The following SLIT3 variants were observed in gnomAD, a reference collection of about 807,000 sequenced individuals.
The protein encoded by SLIT3 is slit guidance ligand 3.
SLIT3 carries 68 observed loss-of-function variants against 184.0 expected under a neutral mutation model. The ratio of observed to expected loss-of-function variants is 0.37; its 90% CI spans 0.30 to 0.45. The LOEUF (loss-of-function observed/expected upper bound fraction) is 0.45. SLIT3 is among the 20% of genes least tolerant of loss of function. The pLI is 1.00. For missense variants in SLIT3, 1,707 were observed against 2,026.0 expected (o/e 0.84, Z 3.02); for synonymous variants, 831 against 828.6 (o/e 1.00, Z -0.05).
chr5:169,271,327 G>A (rs1035247008), intron 1 of SLIT3, among the ~76,000 whole-genome samples: 5 of 152,062 alleles, frequency 3.3e-5, no homozygotes, highest in African/African-American at 1.2e-4. Context: ...CCCAGCTCAC[G>A]GCCCCTTCTC....
chr5:169,276,722 A>G (rs572325037), intron 1 of SLIT3, among the ~76,000 whole-genome samples: 1 of 152,248 alleles, frequency 6.6e-6, no homozygotes, highest in African/African-American at 2.4e-5. Flanking sequence ...AACTACAAAT[A>G]GAATGATTAT....
rs971254461 is a variant in SLIT3 at position 168,711,141 on chromosome 5, T to G, written c.2556-83A>C. Reference sequence around the variant, plus strand: ...ATCCTTGGCTCTCTGGAAATGCATTTTCAGACTTTGGCTAGACTGGAGGTA... The same window carrying G: ...ATCCTTGGCTCTCTGGAAATGCATTGTCAGACTTTGGCTAGACTGGAGGTA... On this transcript the variant is annotated intron_variant, in intron 24 of 35. Coordinates refer to ENST00000519560, the MANE Select transcript of SLIT3 (RefSeq NM_003062.4). 2.3e-6 allele frequency: 3 copies of G among 1,320,302 alleles called. No individual in the cohort carries two copies. The African/African-American group carries it at 4.5e-5, about 20-fold the overall frequency. The allele number at this position is 1,320,302 out of a possible 1,614,324, so 81.8% of individuals were successfully genotyped here. A position where few individuals can be genotyped will look rare whatever the true frequency, so the allele number is the denominator to read the frequency against.
intron 4 of SLIT3, among the ~76,000 whole-genome samples, chr5:169,027,148 G>A (rs1040675535): frequency 6.6e-6 from 1 of 152,100 alleles, no homozygotes; most frequent in Admixed American, 6.5e-5. Flanking sequence ...TGTGCCCTGG[G>A]GTTCAGTTTT....
At chr5:168,895,648 T>A (rs1264201927) in intron 4 of SLIT3, among the ~76,000 whole-genome samples, 1 of 152,208 alleles carries the variant, frequency 6.6e-6, no homozygotes, top group African/African-American at 2.4e-5. Flanking sequence ...GTTAATACTA[T>A]AGAATGACGT....
At position 168,932,385 on chromosome 5, in the gene SLIT3, CACACACT is replaced by C. The variant is rs1310873073; in HGVS notation, c.414-49056_414-49050del. Among the ~76,000 whole-genome samples, 7 of 148,970 alleles carry C rather than the reference CACACACT, an allele frequency of 4.7e-5. No homozygotes were observed. The East Asian group carries it at 1.2e-3, about 25-fold the overall frequency. On this transcript the variant is annotated intron_variant, in intron 4 of 35. Coordinates refer to ENST00000519560, the MANE Select transcript of SLIT3 (RefSeq NM_003062.4). Reference sequence around the variant, plus strand: ...ACACACACACACACACACACACACACACACACTACACACACCCTACACACACACAGAG... The same window carrying C: ...ACACACACACACACACACACACACACACACACACCCTACACACACACAGAG...
intron 3 of SLIT3, among the ~76,000 whole-genome samples, chr5:169,196,768 A>T (rs1045117224): frequency 6.6e-6 from 1 of 152,002 alleles, no homozygotes; most frequent in African/African-American, 2.4e-5. Flanking sequence ...TCCCTTTCTT[A>T]ATTTTTCTGT....
chr5:168,986,429 C>T (rs1755133842), intron 4 of SLIT3, among the ~76,000 whole-genome samples: 1 of 152,072 alleles, frequency 6.6e-6, no homozygotes, highest in Admixed American at 6.5e-5. Flanking sequence ...CCTTTGGGTA[C>T]CATGATGCTT....
At chr5:169,299,807 T>C (rs1767625964) in intron 1 of SLIT3, among the ~76,000 whole-genome samples, 1 of 152,206 alleles carries the variant, frequency 6.6e-6, no homozygotes, top group African/African-American at 2.4e-5. Context: ...GTTTGTAAGA[T>C]TATAACGCTC....
intron 8 of SLIT3, among the ~76,000 whole-genome samples, chr5:168,809,595 C>T (rs1757099295): frequency 6.6e-6 from 1 of 152,184 alleles, no homozygotes; most frequent in African/African-American, 2.4e-5. Flanking sequence ...GGCAGAAGTC[C>T]CTCCACTTTG....
rs78025952 is a variant in SLIT3, at chr5:168,959,001, G to A, written c.414-75665C>T. 0.013 allele frequency among the ~76,000 whole-genome samples: 2,001 copies of A among 152,322 alleles called. 64 individuals are homozygous for A. The East Asian group carries it at 0.14, about 10-fold the overall frequency. On this transcript the variant is annotated intron_variant, in intron 4 of 35. Coordinates refer to ENST00000519560, the MANE Select transcript of SLIT3 (RefSeq NM_003062.4). ...CTATGCATGGCAGGCATTGCTAATCGATGACAGCTCTTTCCTTCAGGAGCT... is the reference window on the plus strand; with the variant it reads ...CTATGCATGGCAGGCATTGCTAATCAATGACAGCTCTTTCCTTCAGGAGCT...
chr5:168,842,489 T>TTTTTA (rs1293475229), intron 6 of SLIT3, among the ~76,000 whole-genome samples: 4 of 147,232 alleles, frequency 2.7e-5, no homozygotes, highest in African/African-American at 1.0e-4. Context: ...TTTTTTTTTG[T>TTTTTA]ATCTGAGTAG....
At chr5:169,159,763 A>G (rs144455587) in intron 4 of SLIT3, among the ~76,000 whole-genome samples, 2,165 of 152,298 alleles carry the variant, frequency 0.014, 27 homozygotes, top group Non-Finnish European at 0.021. Flanking sequence ...GTGACAGAGC[A>G]AGACTCCGTC....
chr5:169,026,755 C>G lies in SLIT3; in HGVS notation c.414-143419G>C, dbSNP rs111249100. ...TTTTATATAATTTTAGCGCCTAAAA[C>G]AATATTTTATGCAGTGAGCTTCTAT... On this transcript the variant is annotated intron_variant, in intron 4 of 35. Coordinates refer to ENST00000519560, the MANE Select transcript of SLIT3 (RefSeq NM_003062.4). 4 of 151,626 alleles carry G rather than the reference C, an allele frequency of 2.6e-5. No individual in the cohort carries two copies. In the East Asian group the frequency reaches 7.8e-4, roughly 29 times the overall value. 9.4% of individuals were successfully genotyped at this position (151,626 alleles called of 1,614,324 possible).
At chr5:168,709,384 C>A (rs1762477400) in intron 25 of SLIT3, among the ~76,000 whole-genome samples, 1 of 152,184 alleles carries the variant, frequency 6.6e-6, no homozygotes, top group Non-Finnish European at 1.5e-5. Context: ...GCATGAGCCA[C>A]CGTGCCCGGA....
chr5:169,187,928 G>A (rs761966854), intron 4 of SLIT3, among the ~76,000 whole-genome samples: 3 of 151,500 alleles, frequency 2.0e-5, no homozygotes, highest in South Asian at 2.1e-4. Context: ...CCGCCCTGCC[G>A]CAAGCTCTCA....
At chr5:168,758,731 C>T (rs1755037242) in intron 16 of SLIT3, among the ~76,000 whole-genome samples, 1 of 152,178 alleles carries the variant, frequency 6.6e-6, no homozygotes, top group African/African-American at 2.4e-5. Flanking sequence ...CCAGTGAGAT[C>T]CAGATGCTGC....
chr5:168,738,895 G>A (rs893404697), intron 20 of SLIT3, among the ~76,000 whole-genome samples: 7 of 131,126 alleles, frequency 5.3e-5, no homozygotes, highest in East Asian at 5.2e-4. Flanking sequence ...CCGAGATGGC[G>A]CCACTGCAGT....
chr5:168,813,969 T>C (rs1406926070), intron 8 of SLIT3, among the ~76,000 whole-genome samples: 1 of 152,232 alleles, frequency 6.6e-6, no homozygotes, highest in Non-Finnish European at 1.5e-5. Context: ...CCCCAATGCC[T>C]CTTTTCCTCC....
chr5:168,974,334 T>G (rs75396155), intron 4 of SLIT3, among the ~76,000 whole-genome samples: 1 of 152,346 alleles, frequency 6.6e-6, no homozygotes, highest in Non-Finnish European at 1.5e-5. Context: ...CATTCTTTGT[T>G]GACCCCATTA....
Sources: gnomAD v4.1 joint callset for allele counts (sites outside exome capture counted in the v4.1 genomes callset) on GRCh38, gnomAD v4.1.1 for gene constraint, MANE v1.5 for transcripts, NCBI Gene and HGNC (gene_info 2026-07-23, HGNC 2026-07-21) for gene names.